The following GXYLT1 variants were observed in gnomAD, a reference collection of about 807,000 sequenced individuals.
The protein encoded by GXYLT1 is glycosyltransferase 8 domain containing 3.
GXYLT1 carries 29 observed loss-of-function variants against 54.0 expected under a neutral mutation model. The observed-to-expected ratio is 0.54, with a 90% CI of 0.40 to 0.73. GXYLT1 has a LOEUF of 0.73. Ranked by LOEUF, GXYLT1 falls within the 30% of genes least tolerant of loss-of-function variation. The pLI is 0.00. For synonymous variants in GXYLT1, 176 were observed against 204.1 expected (o/e 0.86, Z 1.17); for missense variants, 490 against 553.4 (o/e 0.89, Z 1.15).
chr12:42,139,587 C>T (rs1420484352), intron 1 of GXYLT1, among the ~76,000 whole-genome samples: 2 of 152,104 alleles, frequency 1.3e-5, no homozygotes, highest in Non-Finnish European at 2.9e-5. Flanking sequence ...TCTGCTGGTA[C>T]CTTGACTTGG....
rs1020130071 is a variant in GXYLT1 at position 42,131,140 on chromosome 12, C to CA, written c.222-1290dup. Reference sequence around the variant, plus strand: ...TGGAGCCAAAACGGAAAAAAGAAAACACCTTACATTACAAAAAAATTGTTT... The same window carrying CA: ...TGGAGCCAAAACGGAAAAAAGAAAACAACCTTACATTACAAAAAAATTGTTT... On this transcript the variant is annotated intron_variant, in intron 1 of 7. Transcript: ENST00000398675. 5.9e-5 allele frequency among the ~76,000 whole-genome samples: 9 copies of CA among 152,120 alleles called. 1 individual carries two copies. The highest frequency in any genetic ancestry group is 2.2e-4 in the African/African-American group (9 of 41,434).
chr12:42,135,461 C>T (rs1372689969), intron 1 of GXYLT1, among the ~76,000 whole-genome samples: 1 of 152,118 alleles, frequency 6.6e-6, no homozygotes, highest in Non-Finnish European at 1.5e-5. Context: ...AATTAAATTC[C>T]TCAGTATATA....
intron 5 of GXYLT1, among the ~76,000 whole-genome samples, chr12:42,100,137 G>A (rs1486440418): frequency 6.6e-6 from 1 of 152,150 alleles, no homozygotes; most frequent in Non-Finnish European, 1.5e-5. Context: ...AGTCCAATGA[G>A]AACTTGGTGT....
intron 7 of GXYLT1, among the ~76,000 whole-genome samples, chr12:42,095,122 G>C (rs1592102070): frequency 5.3e-5 from 8 of 152,152 alleles, no homozygotes. Context: ...CCATCAGAAT[G>C]ACAAAATTTT....
intron 1 of GXYLT1, among the ~76,000 whole-genome samples, chr12:42,133,315 C>T (rs1382612279): frequency 1.3e-5 from 2 of 152,134 alleles, no homozygotes; most frequent in East Asian, 3.9e-4. Context: ...TAGGATCTAA[C>T]TCCCCTTATC....
Position 42,144,780 on chromosome 12 carries a change from C to CTCCCTTCCT in GXYLT1, c.-143_-135dup. The stretch of plus-strand genomic sequence containing the variant: ...AGCCGCCGCCGCCGCCTTGCGCCCG[C>CTCCCTTCCT]TCCCTTCCTTCCCTCCCCGCCCACC... On this transcript the variant is annotated 5_prime_UTR_variant, in exon 1 of 8. Transcript: ENST00000398675. The CTCCCTTCCT allele has an allele frequency of 1.7e-6, 1 of 574,846 alleles. No individual in the cohort carries two copies. The highest frequency in any genetic ancestry group is 4.3e-5 in the South Asian group (1 of 23,452). The allele number at this position is 574,846 out of a possible 1,614,324, so 35.6% of individuals were successfully genotyped here.
Position 42,106,072 on chromosome 12 carries a change from A to G in GXYLT1, c.613-3T>C, listed in dbSNP as rs369947846. On this transcript the variant is annotated splice_polypyrimidine_tract_variant and splice_region_variant and intron_variant, in intron 4 of 7. Transcript: ENST00000398675. ...GAGTCAACTTCTTTCAGGATTAACT[A>G]CAAGGAGAGATATTTGAATGATTAA... is the stretch of plus-strand genomic sequence containing the variant. 33 of 1,431,320 alleles carry G rather than the reference A, an allele frequency of 2.3e-5. No homozygotes were observed. The African/African-American group carries it at 4.9e-4, about 21-fold the overall frequency. 88.7% of individuals were successfully genotyped at this position (1,431,320 alleles called of 1,614,324 possible). A position where few individuals can be genotyped will look rare whatever the true frequency, so the allele number is the denominator to read the frequency against.
At position 42,144,594 on chromosome 12, in the gene GXYLT1, G is replaced by A. The variant is rs760989468; in HGVS notation, c.53C>T (p.Ser18Leu). Reference protein sequence around the residue: ...VVLCVACGFCSLLYAFSQLAV... With the variant: ...VVLCVACGFCLLLYAFSQLAV... ...GAGCTGGCTGAAAGCGTAAAGGAGC[G>A]AGCAGAAGCCGCAGGCCACACACAG... Residue 18 changes from serine (S) to leucine (L), a missense_variant, in exon 1 of 8, where the codon TCG (serine) becomes TTG (leucine). Physicochemically the swap from Ser to Leu is moderately radical, Grantham distance 145. Transcript: ENST00000398675. 32 of 1,466,264 alleles carry A rather than the reference G, an allele frequency of 2.2e-5. No individual in the cohort carries two copies. The highest frequency in any genetic ancestry group is 2.3e-5 in the Non-Finnish European group (26 of 1,106,416). The allele number at this position is 1,466,264 out of a possible 1,614,324, so 90.8% of individuals were successfully genotyped here. A position where few individuals can be genotyped will look rare whatever the true frequency, so the allele number is the denominator to read the frequency against.
chr12:42,099,709 G>A (rs558959357), intron 5 of GXYLT1, among the ~76,000 whole-genome samples: 13 of 152,264 alleles, frequency 8.5e-5, no homozygotes, highest in African/African-American at 2.9e-4. Context: ...AACTAGTCAC[G>A]CATGGTGGTA....
chr12:42,110,198 CA>C (rs2065444925), intron 3 of GXYLT1, among the ~76,000 whole-genome samples: 1 of 152,240 alleles, frequency 6.6e-6, no homozygotes, highest in Admixed American at 6.5e-5. Context: ...TAGCCAATGC[CA>C]ATTTTTTAAA....
chr12:42,098,522 T>C (rs1332484009), intron 5 of GXYLT1, among the ~76,000 whole-genome samples: 1 of 151,574 alleles, frequency 6.6e-6, no homozygotes. Flanking sequence ...ATAAATCAAA[T>C]TAAAAAATGC....
At chr12:42,109,792 A>G in intron 3 of GXYLT1, 101 bp from the exon 4 acceptor site, 1 of 703,544 alleles carries the variant, frequency 1.4e-6, no homozygotes, top group Non-Finnish European at 2.3e-6. Flanking sequence ...AAATTAAGAT[A>G]ATATACATTT....
chr12:42,123,963 A>T (rs2065546158), intron 2 of GXYLT1, among the ~76,000 whole-genome samples: 2 of 151,838 alleles, frequency 1.3e-5, no homozygotes, highest in South Asian at 4.1e-4. Flanking sequence ...AAAAAAAAAA[A>T]AGAGTTGTGC....
In GXYLT1 at chr12:42,112,949, A is replaced by C. The variant is rs568252635; in HGVS notation, c.487-3258T>G. 8.8e-4 allele frequency among the ~76,000 whole-genome samples: 133 copies of C among 151,436 alleles called. No individual in the cohort carries two copies. In the South Asian group the frequency reaches 0.027, roughly 31 times the overall value. On this transcript the variant is annotated intron_variant, in intron 3 of 7. Coordinates refer to ENST00000398675, the MANE Select transcript of GXYLT1 (RefSeq NM_173601.2). ...GCGGATCTCTCGGCAGAAACTCTACAAGCCAGAAGAGAGTGGGGACCAACA... is the reference window on the plus strand; with the variant it reads ...GCGGATCTCTCGGCAGAAACTCTACCAGCCAGAAGAGAGTGGGGACCAACA...
Position 42,108,489 on chromosome 12 carries a change from A to ACC in GXYLT1, c.612+1076_612+1077insGG, listed in dbSNP as rs149022244. ...TAGGCACTCACATATTAATTAAATG[A>ACC]CTGACACTGCAGTCATTCAATATAA... On this transcript the variant is annotated intron_variant, in intron 4 of 7. Coordinates refer to ENST00000398675, the MANE Select transcript of GXYLT1 (RefSeq NM_173601.2). Among the ~76,000 whole-genome samples the ACC allele has an allele frequency of 8.6e-3, 1,311 of 152,320 alleles. 24 individuals carry two copies. The highest frequency in any genetic ancestry group is 0.029 in the African/African-American group (1,211 of 41,576).
chr12:42,102,687 T>G (rs1169749028), intron 5 of GXYLT1, among the ~76,000 whole-genome samples: 1 of 152,144 alleles, frequency 6.6e-6, no homozygotes, highest in Non-Finnish European at 1.5e-5. Context: ...TACTCTTTGG[T>G]TTTTCTCTAA....
intron 2 of GXYLT1, among the ~76,000 whole-genome samples, chr12:42,121,938 G>GA (rs1299441161): frequency 6.6e-6 from 1 of 151,986 alleles, no homozygotes; most frequent in African/African-American, 2.4e-5. Flanking sequence ...ATTGCAACTG[G>GA]AAAAAAATCT....
In GXYLT1 at chr12:42,106,504, T is replaced by C. The variant is rs573092182; in HGVS notation, c.613-435A>G. On this transcript the variant is annotated intron_variant, in intron 4 of 7. Coordinates refer to ENST00000398675, the MANE Select transcript of GXYLT1 (RefSeq NM_173601.2). Reference sequence around the variant, plus strand: ...CTGTAACACTGGCATCTTTACATCATTTCGGTTTCAACTAGTAAGTGGTAG... The same window carrying C: ...CTGTAACACTGGCATCTTTACATCACTTCGGTTTCAACTAGTAAGTGGTAG... Among the ~76,000 whole-genome samples the C allele has an allele frequency of 2.0e-5, 3 of 152,236 alleles. No homozygotes were observed. In the South Asian group the frequency reaches 6.2e-4, roughly 32 times the overall value.
At chr12:42,127,434 G>A (rs998824810) in intron 2 of GXYLT1, among the ~76,000 whole-genome samples, 1 of 152,106 alleles carries the variant, frequency 6.6e-6, no homozygotes, top group African/African-American at 2.4e-5. Flanking sequence ...TATAACTTCT[G>A]AAGTCTCAAA....
Sources: gnomAD v4.1 joint callset for allele counts (sites outside exome capture counted in the v4.1 genomes callset) on GRCh38, gnomAD v4.1.1 for gene constraint, MANE v1.5 for transcripts, NCBI Gene and HGNC (gene_info 2026-07-23, HGNC 2026-07-21) for gene names.